ZDHHC14: variants seen among roughly 807,000 people sequenced by gnomAD.
ZDHHC14 encodes the protein zDHHC palmitoyltransferase 14, also known as palmitoyltransferase ZDHHC14.
ZDHHC14 carries 16 observed loss-of-function variants against 47.7 expected under a neutral mutation model. That is an observed-to-expected ratio of 0.34 (90% CI 0.23 to 0.51). ZDHHC14 has a LOEUF of 0.51. Ranked by LOEUF, ZDHHC14 falls within the 20% of genes least tolerant of loss-of-function variation. ZDHHC14 has a pLI of 0.97. For synonymous variants in ZDHHC14, 293 were observed against 278.9 expected (o/e 1.05, Z -0.50); for missense variants, 515 against 662.5 (o/e 0.78, Z 2.44).
intron 1 of ZDHHC14, among the ~76,000 whole-genome samples, chr6:157,479,591 G>A (rs1047070387): frequency 3.3e-5 from 5 of 152,160 alleles, no homozygotes; most frequent in East Asian, 1.9e-4. Context: ...GTTAGCCATC[G>A]CTTTTGCCAA....
chr6:157,651,256 T>C (rs1298325335), intron 7 of ZDHHC14, among the ~76,000 whole-genome samples: 3 of 152,260 alleles, frequency 2.0e-5, no homozygotes, highest in African/African-American at 7.2e-5. Flanking sequence ...TGCCTCTTCC[T>C]GGCACCTGGT....
At chr6:157,515,666 C>T (rs1038431240) in intron 1 of ZDHHC14, among the ~76,000 whole-genome samples, 1 of 151,806 alleles carries the variant, frequency 6.6e-6, no homozygotes, top group Non-Finnish European at 1.5e-5. Context: ...GGGGTTTCAC[C>T]GTGTTAGCCT....
At chr6:157,422,459 T>C (rs1463477983) in intron 1 of ZDHHC14, among the ~76,000 whole-genome samples, 1 of 152,200 alleles carries the variant, frequency 6.6e-6, no homozygotes, top group Non-Finnish European at 1.5e-5. Context: ...ACCCGTTCGC[T>C]ATTATGAAGC....
intron 7 of ZDHHC14, among the ~76,000 whole-genome samples, chr6:157,648,914 G>A (rs1366408935): frequency 1.3e-5 from 2 of 152,186 alleles, no homozygotes; most frequent in Non-Finnish European, 2.9e-5. Flanking sequence ...TGCGTGTGTG[G>A]GTCTAAGAGA....
intron 3 of ZDHHC14, among the ~76,000 whole-genome samples, chr6:157,606,828 C>T (rs956085340): frequency 6.6e-6 from 1 of 152,244 alleles, no homozygotes; most frequent in Non-Finnish European, 1.5e-5. Flanking sequence ...GAGAGGAAAA[C>T]AGTTACATTT....
chr6:157,386,820 A>G (rs750985401), intron 1 of ZDHHC14, among the ~76,000 whole-genome samples: 2 of 152,124 alleles, frequency 1.3e-5, no homozygotes, highest in African/African-American at 2.4e-5. Context: ...AACATTAACA[A>G]TTTCTTCTTC....
At chr6:157,608,836 G>T (rs913563255) in intron 3 of ZDHHC14, among the ~76,000 whole-genome samples, 1 of 152,030 alleles carries the variant, frequency 6.6e-6, no homozygotes, top group African/African-American at 2.4e-5. Context: ...GAGACGAGAG[G>T]GGGGGCTGTC....
chr6:157,548,013 T>C (rs1215139539), intron 2 of ZDHHC14, among the ~76,000 whole-genome samples: 1 of 152,116 alleles, frequency 6.6e-6, no homozygotes, highest in South Asian at 2.1e-4. Flanking sequence ...CTACTGGCTG[T>C]GGTTGATCTG....
At chr6:157,534,219 C>T (rs1048846762) in intron 1 of ZDHHC14, among the ~76,000 whole-genome samples, 11 of 152,134 alleles carry the variant, frequency 7.2e-5, no homozygotes, top group Admixed American at 3.9e-4. Flanking sequence ...GCAGGTCTTC[C>T]CAGCACACAC....
At chr6:157,491,215 G>A (rs1221640925) in intron 1 of ZDHHC14, among the ~76,000 whole-genome samples, 3 of 152,224 alleles carry the variant, frequency 2.0e-5, no homozygotes, top group African/African-American at 2.4e-5. Flanking sequence ...AGTCTTATTC[G>A]AAGGGGAGAG....
intron 1 of ZDHHC14, among the ~76,000 whole-genome samples, chr6:157,519,453 T>G (rs1780834875): frequency 6.6e-6 from 1 of 151,874 alleles, no homozygotes; most frequent in Non-Finnish European, 1.5e-5. Flanking sequence ...GTGAGCAGCT[T>G]GTATTTACTT....
intron 1 of ZDHHC14, among the ~76,000 whole-genome samples, chr6:157,536,583 C>A (rs9457716): frequency 0.4 from 60,129 of 151,872 alleles, 12,055 homozygotes; most frequent in Admixed American, 0.45. Context: ...CCTAATTACC[C>A]AATAATGAAA....
chr6:157,503,457 C>T (rs973921527), intron 1 of ZDHHC14, among the ~76,000 whole-genome samples: 15 of 152,182 alleles, frequency 9.9e-5, no homozygotes, highest in African/African-American at 3.6e-4. Context: ...TATCCATGCC[C>T]TCATTTTGAG....
chr6:157,402,310 A>G (rs1777659799), intron 1 of ZDHHC14, among the ~76,000 whole-genome samples: 1 of 150,728 alleles, frequency 6.6e-6, no homozygotes, highest in Non-Finnish European at 1.5e-5. Context: ...TGAGATATGC[A>G]CCTGCTGAGG....
intron 1 of ZDHHC14, among the ~76,000 whole-genome samples, chr6:157,451,211 C>T (rs892763864): frequency 1.3e-5 from 2 of 152,170 alleles, no homozygotes; most frequent in Admixed American, 1.3e-4. Flanking sequence ...GTGCATCTTC[C>T]TTTGATAAAT....
intron 1 of ZDHHC14, among the ~76,000 whole-genome samples, chr6:157,437,175 C>T (rs780536981): frequency 3.9e-5 from 6 of 152,206 alleles, no homozygotes; most frequent in East Asian, 3.8e-4. Context: ...GCTCTGCATC[C>T]GTGAGAGCAC....
chr6:157,433,259 T>G (rs1004103410), intron 1 of ZDHHC14, among the ~76,000 whole-genome samples: 1 of 152,242 alleles, frequency 6.6e-6, no homozygotes, highest in African/African-American at 2.4e-5. Context: ...AATTAATTGC[T>G]TTGATTCTGA....
intron 7 of ZDHHC14, 39 bp from the exon 8 acceptor site, chr6:157,653,486 A>C: frequency 6.2e-7 from 1 of 1,606,854 alleles, no homozygotes; most frequent in South Asian, 1.1e-5. Context: ...CTGGCTTTTT[A>C]TTCACTCTCT....
chr6:157,501,855 G>T (rs2114738908), intron 1 of ZDHHC14, among the ~76,000 whole-genome samples: 2 of 152,274 alleles, frequency 1.3e-5, no homozygotes, highest in East Asian at 3.9e-4. Context: ...TAATTTAATT[G>T]AATGATGCCT....
Sources: allele counts gnomAD v4.1 joint callset (sites outside exome capture counted in the v4.1 genomes callset), GRCh38; gene constraint gnomAD v4.1.1; transcripts MANE v1.5; gene names NCBI Gene and HGNC (gene_info 2026-07-23, HGNC 2026-07-21).